Variants in ARHGAP10 observed in about 807,000 individuals in gnomAD.
ARHGAP10 encodes the protein Rho GTPase activating protein 10.
Under a neutral mutation model 108.6 loss-of-function variants are expected in ARHGAP10, and 87 were observed. That is an observed-to-expected ratio of 0.80 (90% CI 0.67 to 0.96). The LOEUF is 0.96. Among genes scored for constraint, ARHGAP10 ranks in the 40% least tolerant of loss-of-function variants. ARHGAP10 has a pLI of 0.00. For synonymous variants in ARHGAP10, 347 were observed against 341.1 expected, an observed-to-expected ratio of 1.02 and a Z score of -0.19; for missense variants, 939 against 954.5, an observed-to-expected ratio of 0.98 and a Z score of 0.21.
intron 16 of ARHGAP10, among the ~76,000 whole-genome samples, chr4:147,956,580 T>C (rs925779389): frequency 6.6e-6 from 1 of 152,190 alleles, no homozygotes; most frequent in Non-Finnish European, 1.5e-5. Flanking sequence ...TTCTTCCCTG[T>C]GGCATTTTTG....
chr4:147,756,640 C>T (rs1729382198), intron 1 of ARHGAP10, among the ~76,000 whole-genome samples: 1 of 152,116 alleles, frequency 6.6e-6, no homozygotes, highest in Non-Finnish European at 1.5e-5. Flanking sequence ...TCCCTTTGTC[C>T]AGGGTATCCA....
chr4:147,854,906 T>C (rs1734026730), intron 4 of ARHGAP10: 2 of 975,914 alleles, frequency 2.0e-6, no homozygotes, highest in African/African-American at 3.5e-5. Flanking sequence ...GCTTGATGTC[T>C]CCTTTTTCTT....
At chr4:147,879,363 T>G (rs568442934) in intron 9 of ARHGAP10, 25 bp downstream of exon 9, 2 of 1,592,818 alleles carry the variant, frequency 1.3e-6, no homozygotes, top group Admixed American at 1.7e-5. Context: ...CAACATAGAA[T>G]AGATTATAAT....
intron 15 of ARHGAP10, among the ~76,000 whole-genome samples, chr4:147,953,438 T>C (rs1336029836): frequency 2.6e-5 from 4 of 152,094 alleles, no homozygotes; most frequent in Non-Finnish European, 5.9e-5. Context: ...ACAAATTCAA[T>C]AGGACTACTC....
At chr4:147,930,296 G>A (rs77299897) in intron 13 of ARHGAP10, among the ~76,000 whole-genome samples, 4,820 of 152,168 alleles carry the variant, frequency 0.032, 259 homozygotes, top group African/African-American at 0.11. Flanking sequence ...CTTTGTTGTT[G>A]TATCTTTTTC....
At chr4:147,905,236 A>G (rs1026707712) in intron 10 of ARHGAP10, among the ~76,000 whole-genome samples, 92 of 151,762 alleles carry the variant, frequency 6.1e-4, no homozygotes, top group African/African-American at 2.2e-3. Flanking sequence ...CTTCAGTTTA[A>G]TTAGATCCCA....
chr4:147,920,077 A>G (rs1737171807), intron 13 of ARHGAP10, among the ~76,000 whole-genome samples: 1 of 151,796 alleles, frequency 6.6e-6, no homozygotes, highest in Non-Finnish European at 1.5e-5. Flanking sequence ...TCATGTTGAT[A>G]GTGTCCTGCT....
chr4:148,004,669 T>G (rs1740870412), intron 18 of ARHGAP10, among the ~76,000 whole-genome samples: 1 of 152,192 alleles, frequency 6.6e-6, no homozygotes, highest in Non-Finnish European at 1.5e-5. Context: ...GCCACGGCCT[T>G]TAGTCCTGCA....
intron 18 of ARHGAP10, among the ~76,000 whole-genome samples, chr4:148,011,794 A>G (rs1741179189): frequency 6.6e-6 from 1 of 152,234 alleles, no homozygotes; most frequent in Non-Finnish European, 1.5e-5. Context: ...GTAATCTATC[A>G]GGAGACACCC....
In ARHGAP10 at chr4:147,798,754, T is replaced by A. The variant is rs1483832132; in HGVS notation, c.155-23973T>A. Among the ~76,000 whole-genome samples the A allele has an allele frequency of 8.2e-4, 9 of 10,932 alleles. 1 individual carries two copies. Among genetic ancestry groups the A allele is most frequent in the African/African-American group, 1.1e-3 (9 of 7,828 alleles). The allele number at this position is 10,932 out of a possible 152,430, so 7.2% of individuals were successfully genotyped here. On this transcript the variant is annotated intron_variant, in intron 1 of 22. Transcript: ENST00000336498. ...CTCTCTCTCTCTCTCTCTCTCTCTC[T>A]CTCTCTCTCTCTCTCTCTCTCTCTC...
rs139593535 is a variant in ARHGAP10, at chr4:147,957,969, C to T, written c.1450+2595C>T. ...TTAAGAGAGTTAATGTAACTTTCTC[C>T]GTTAGCTGAATTCCAAACTAAACTT... On this transcript the variant is annotated intron_variant, in intron 16 of 22. Transcript: ENST00000336498. Among the ~76,000 whole-genome samples the T allele has an allele frequency of 9.9e-4, 151 of 152,194 alleles. 1 individual carries two copies. Among genetic ancestry groups the T allele is most frequent in the African/African-American group, 3.4e-3 (141 of 41,528 alleles).
At chr4:147,785,128 A>G (rs920897389) in intron 1 of ARHGAP10, among the ~76,000 whole-genome samples, 2 of 150,136 alleles carry the variant, frequency 1.3e-5, no homozygotes, top group African/African-American at 4.9e-5. Flanking sequence ...AAGGGAAAGA[A>G]CAGCTCTGAA....
intron 10 of ARHGAP10, among the ~76,000 whole-genome samples, chr4:147,886,731 C>T (rs886531972): frequency 4.6e-5 from 7 of 152,086 alleles, no homozygotes; most frequent in Non-Finnish European, 8.8e-5. Flanking sequence ...CAACAATAGG[C>T]GGCCATTCAT....
intron 1 of ARHGAP10, among the ~76,000 whole-genome samples, chr4:147,793,305 C>CACATAT (rs1321502303): frequency 7.7e-6 from 1 of 130,074 alleles, no homozygotes; most frequent in African/African-American, 2.7e-5. Flanking sequence ...ATAACACACA[C>CACATAT]ATATATATAT....
chr4:147,771,454 T>C (rs1730076645), intron 1 of ARHGAP10, among the ~76,000 whole-genome samples: 1 of 151,774 alleles, frequency 6.6e-6, no homozygotes, highest in Admixed American at 6.6e-5. Flanking sequence ...ATTTTTGTTG[T>C]TGTTCTTGCA....
chr4:147,989,031 T>TTC (rs1395142786), intron 18 of ARHGAP10, among the ~76,000 whole-genome samples: 2 of 152,242 alleles, frequency 1.3e-5, no homozygotes, highest in Admixed American at 6.5e-5. Context: ...CTTCTCTATT[T>TTC]TCCTAAGTGT....
intron 7 of ARHGAP10, among the ~76,000 whole-genome samples, chr4:147,870,928 CTGTGTGTGTGTGTGTGTGTGTGTGTGTG>C (rs57348496): frequency 1.4e-5 from 2 of 139,056 alleles, no homozygotes; most frequent in African/African-American, 5.2e-5. Flanking sequence ...AAACTACAGA[CTGTGTGTGTGTGTGTGTGTGTGTGTGTG>C]TGTGTGTGTG....
intron 18 of ARHGAP10, 105 bp downstream of exon 18, chr4:147,966,944 T>G: frequency 9.3e-7 from 1 of 1,071,682 alleles, no homozygotes; most frequent in East Asian, 2.8e-5. Flanking sequence ...TTTAAAAAAA[T>G]TCTTTCATTC....
At chr4:147,871,354 T>C (rs886991362) in intron 7 of ARHGAP10, among the ~76,000 whole-genome samples, 5 of 152,224 alleles carry the variant, frequency 3.3e-5, no homozygotes, top group African/African-American at 1.2e-4. Flanking sequence ...GTCTTACTTA[T>C]CCCTTTTGTT....
Sources: allele counts gnomAD v4.1 joint callset (sites outside exome capture counted in the v4.1 genomes callset), GRCh38; gene constraint gnomAD v4.1.1; transcripts MANE v1.5; gene names NCBI Gene and HGNC (gene_info 2026-07-23, HGNC 2026-07-21).